The following SDK1 variants were observed in gnomAD, a reference collection of about 807,000 sequenced individuals.
SDK1 encodes sidekick cell adhesion molecule 1, also known as protein sidekick-1.
SDK1 carries 157 observed loss-of-function variants against 245.5 expected under a neutral mutation model. That is an observed-to-expected ratio of 0.64 (90% CI 0.56 to 0.73). The LOEUF (loss-of-function observed/expected upper bound fraction) is 0.73. Among genes scored for constraint, SDK1 ranks in the 30% least tolerant of loss-of-function variants. The probability of loss-of-function intolerance (pLI) is 0.00; values close to 1 mark genes in which losing one functional copy is unlikely to be tolerated. For synonymous variants in SDK1, 1,647 were observed against 1,278.5 expected, an observed-to-expected ratio of 1.29 and a Z score of -6.15; for missense variants, 3,583 against 3,002.3, an observed-to-expected ratio of 1.19 and a Z score of -4.52.
At position 3,639,076 on chromosome 7, in the gene SDK1, A is replaced by G. The variant is rs147273361; in HGVS notation, c.531A>G (p.Ala177=). 1.7e-4 allele frequency: 270 copies of G among 1,601,716 alleles called. No individual in the cohort carries two copies. In the Middle Eastern group the frequency reaches 2.7e-3, roughly 16 times the overall value. ...GCGTGGTGCGAAACAGAATGGGAGC[A>G]CTCCTGCAAAGAAAATCAGAAGTTC... ...YRCVVRNRMG[A]LLQRKSEVQV... The change falls in exon 3 of 45, where the codon GCA becomes GCG. Residue 177 remains alanine, a synonymous_variant. Coordinates refer to ENST00000404826, the MANE Select transcript of SDK1 (RefSeq NM_152744.4).
intron 1 of SDK1, among the ~76,000 whole-genome samples, chr7:3,404,281 A>T (rs955983435): frequency 2.6e-5 from 4 of 152,154 alleles, no homozygotes; most frequent in African/African-American, 9.7e-5. Flanking sequence ...AGGTGTGCCT[A>T]TATATGTTTC....
At chr7:3,566,969 G>T (rs533545015) in intron 1 of SDK1, among the ~76,000 whole-genome samples, 29 of 152,308 alleles carry the variant, frequency 1.9e-4, no homozygotes, top group Admixed American at 1.8e-3. Context: ...GGTGGTGGGA[G>T]TGTAGACTTG....
At chr7:4,017,423 G>A in intron 17 of SDK1, 71 bp downstream of exon 17, 1 of 1,368,034 alleles carries the variant, frequency 7.3e-7, no homozygotes, top group Non-Finnish European at 1.0e-6. Context: ...GGTTTGACTG[G>A]AGTACGTTAG....
At chr7:3,358,338 A>G (rs1293684961) in intron 1 of SDK1, among the ~76,000 whole-genome samples, 2 of 151,958 alleles carry the variant, frequency 1.3e-5, no homozygotes, top group Non-Finnish European at 2.9e-5. Context: ...CATTTCTTGT[A>G]CTAGAAGTGG....
rs182488733 is a variant in SDK1 at position 3,607,514 on chromosome 7, T to A, written c.299-11566T>A. Among the ~76,000 whole-genome samples the A allele has an allele frequency of 7.8e-4, 119 of 152,356 alleles. No homozygotes were observed. The South Asian group carries it at 8.9e-3, about 11-fold the overall frequency. On this transcript the variant is annotated intron_variant, in intron 1 of 44. Transcript: ENST00000404826. Reference sequence around the variant, plus strand: ...TCAAAATTCTCATTTGTGTTCCCATTTCATAGACGTTTACTAGGTATTTAA... The same window carrying A: ...TCAAAATTCTCATTTGTGTTCCCATATCATAGACGTTTACTAGGTATTTAA...
At chr7:4,055,449 A>G (rs1177929760) in intron 19 of SDK1, among the ~76,000 whole-genome samples, 1 of 151,974 alleles carries the variant, frequency 6.6e-6, no homozygotes, top group Non-Finnish European at 1.5e-5. Context: ...CCTGATATTG[A>G]TGATTGGTTT....
intron 44 of SDK1, among the ~76,000 whole-genome samples, chr7:4,263,374 C>T (rs969810402): frequency 9.9e-5 from 15 of 151,526 alleles, no homozygotes; most frequent in African/African-American, 3.6e-4. Flanking sequence ...GCGTAGACCT[C>T]TGCTGGGTGG....
At chr7:3,474,091 GTTTTTTTTTTTTTT>G (rs869083123) in intron 1 of SDK1, among the ~76,000 whole-genome samples, 21 of 43,228 alleles carry the variant, frequency 4.9e-4, no homozygotes, top group South Asian at 4.1e-3. Context: ...ACCAGATGGT[GTTTTTTTTTTTTTT>G]TTTTTTTTTT....
chr7:3,485,415 C>G (rs987746419), intron 1 of SDK1, among the ~76,000 whole-genome samples: 1 of 152,102 alleles, frequency 6.6e-6, no homozygotes, highest in Non-Finnish European at 1.5e-5. Flanking sequence ...GGGCTAACAC[C>G]TAGTTCCAAT....
At chr7:3,847,305 T>A (rs1429276642) in intron 5 of SDK1, among the ~76,000 whole-genome samples, 1 of 152,254 alleles carries the variant, frequency 6.6e-6, no homozygotes, top group Non-Finnish European at 1.5e-5. Flanking sequence ...ACTATCGACT[T>A]GGTCGCCATA....
At chr7:3,723,916 A>G in intron 4 of SDK1, among the ~76,000 whole-genome samples, 1 of 135,062 alleles carries the variant, frequency 7.4e-6, no homozygotes, top group Non-Finnish European at 1.5e-5. Flanking sequence ...GTACATATAT[A>G]TATACACGTA....
intron 5 of SDK1, among the ~76,000 whole-genome samples, chr7:3,848,160 T>C (rs768895769): frequency 4.6e-5 from 7 of 152,256 alleles, no homozygotes; most frequent in Non-Finnish European, 8.8e-5. Context: ...ATCAGGATTC[T>C]ATAATATATT....
intron 13 of SDK1, among the ~76,000 whole-genome samples, chr7:3,980,193 C>A (rs1438294660): frequency 6.6e-6 from 1 of 152,196 alleles, no homozygotes; most frequent in Non-Finnish European, 1.5e-5. Flanking sequence ...AGAGCAATTC[C>A]CCCTACAGCC....
chr7:4,192,763 A>G (rs1783285507), intron 35 of SDK1, among the ~76,000 whole-genome samples: 1 of 151,970 alleles, frequency 6.6e-6, no homozygotes, highest in Admixed American at 6.6e-5. Flanking sequence ...CGTGTCGAGA[A>G]CACTCCTGCA....
At chr7:3,484,381 C>T (rs577851198) in intron 1 of SDK1, among the ~76,000 whole-genome samples, 78 of 152,220 alleles carry the variant, frequency 5.1e-4, no homozygotes, top group African/African-American at 1.8e-3. Context: ...ATATGAGGTT[C>T]CACAAGGCCG....
chr7:3,601,939 G>T (rs1390285818), intron 1 of SDK1, among the ~76,000 whole-genome samples: 1 of 148,546 alleles, frequency 6.7e-6, no homozygotes, highest in Non-Finnish European at 1.5e-5. Flanking sequence ...TTGGTTTTTT[G>T]TCCTTGTGAT....
At chr7:3,854,968 A>T (rs1314587968) in intron 5 of SDK1, among the ~76,000 whole-genome samples, 10 of 152,020 alleles carry the variant, frequency 6.6e-5, no homozygotes, top group African/African-American at 1.7e-4. Flanking sequence ...GGCTCAGTGA[A>T]CTCTAACTGC....
chr7:3,792,455 C>T (rs1037423823), intron 4 of SDK1, among the ~76,000 whole-genome samples: 9 of 152,254 alleles, frequency 5.9e-5, no homozygotes, highest in African/African-American at 1.7e-4. Flanking sequence ...ACTTTATATT[C>T]ACTGTTCCCC....
At chr7:3,550,402 A>G (rs1393399568) in intron 1 of SDK1, among the ~76,000 whole-genome samples, 4 of 152,174 alleles carry the variant, frequency 2.6e-5, no homozygotes, top group African/African-American at 7.2e-5. Flanking sequence ...AGTAAGAACT[A>G]TGTGTATTAG....
Sources: gnomAD v4.1 joint callset for allele counts (sites outside exome capture counted in the v4.1 genomes callset) on GRCh38, gnomAD v4.1.1 for gene constraint, MANE v1.5 for transcripts, NCBI Gene and HGNC (gene_info 2026-07-23, HGNC 2026-07-21) for gene names.